The following FMNL2 variants were observed in gnomAD, a reference collection of about 807,000 sequenced individuals.
FMNL2 encodes the protein formin like 2, also known as formin-like protein 2.
FMNL2 carries 51 observed loss-of-function variants against 130.2 expected under a neutral mutation model. That is an observed-to-expected ratio of 0.39 (90% CI 0.31 to 0.49). The LOEUF is 0.49. FMNL2 is among the 20% of genes least tolerant of loss of function. FMNL2 has a pLI of 0.85. For missense variants in FMNL2, 977 were observed against 1,316.2 expected, an observed-to-expected ratio of 0.74 and a Z score of 3.99; for synonymous variants, 465 against 467.1, an observed-to-expected ratio of 1.00 and a Z score of 0.06.
chr2:152,417,490 A>G (rs1265078493), intron 1 of FMNL2, among the ~76,000 whole-genome samples: 1 of 152,182 alleles, frequency 6.6e-6, no homozygotes, highest in Non-Finnish European at 1.5e-5. Context: ...GGGGATCAGG[A>G]AATAGTCTAG....
At chr2:152,643,596 G>T (rs2105978375) in intron 25 of FMNL2, 4 of 1,519,626 alleles carry the variant, frequency 2.6e-6, no homozygotes, top group Non-Finnish European at 3.5e-6. Context: ...GTCTGTCAGG[G>T]CCCACCAACA....
At chr2:152,480,885 G>C (rs1231837563) in intron 1 of FMNL2, among the ~76,000 whole-genome samples, 1 of 152,018 alleles carries the variant, frequency 6.6e-6, no homozygotes, top group Non-Finnish European at 1.5e-5. Flanking sequence ...AATGAAGCCT[G>C]GTGTTTTCCT....
chr2:152,488,033 G>T (rs1690936240), intron 1 of FMNL2, among the ~76,000 whole-genome samples: 2 of 152,118 alleles, frequency 1.3e-5, no homozygotes, highest in Non-Finnish European at 2.9e-5. Flanking sequence ...GCCCACCTCG[G>T]CCTCTCAAAG....
At chr2:152,550,035 T>C (rs1391491319) in intron 4 of FMNL2, among the ~76,000 whole-genome samples, 2 of 152,222 alleles carry the variant, frequency 1.3e-5, no homozygotes, top group African/African-American at 4.8e-5. Flanking sequence ...TACAGTAAGT[T>C]CTGTCTCGTT....
At chr2:152,356,576 T>G (rs1682795798) in intron 1 of FMNL2, among the ~76,000 whole-genome samples, 1 of 152,260 alleles carries the variant, frequency 6.6e-6, no homozygotes, top group Non-Finnish European at 1.5e-5. Flanking sequence ...AGTGCTTTTA[T>G]GGTCACTCAC....
intron 2 of FMNL2, among the ~76,000 whole-genome samples, chr2:152,541,110 G>A (rs1393455549): frequency 2.0e-5 from 3 of 152,154 alleles, no homozygotes; most frequent in African/African-American, 7.2e-5. Flanking sequence ...TGGGTTGTAC[G>A]TAGAAAAGAA....
chr2:152,480,675 TCAAAACAAACAAA>T (rs1401006589), intron 1 of FMNL2, among the ~76,000 whole-genome samples: 2 of 113,814 alleles, frequency 1.8e-5, no homozygotes. Flanking sequence ...AAAATCAGCC[TCAAAACAAACAAA>T]CAAAACAAAA....
rs1159173314 is a variant in FMNL2, at chr2:152,412,444, TTTTATATATATATATATA to T, written c.117+76726_117+76743del. ...ATTTCCTCTTACTTTCTTCTGTATA[TTTTATATATATATATATA>T]TATATATATATATATATATATATAT... On this transcript the variant is annotated intron_variant, in intron 1 of 25. Transcript: ENST00000288670. Among the ~76,000 whole-genome samples, 282 of 103,354 alleles carry T rather than the reference TTTTATATATATATATATA, an allele frequency of 2.7e-3. 6 individuals are homozygous for T. Among genetic ancestry groups the T allele is most frequent in the East Asian group, 0.014 (41 of 2,876 alleles). The allele number at this position is 103,354 out of a possible 152,430, so 67.8% of individuals were successfully genotyped here. A position where few individuals can be genotyped will look rare whatever the true frequency, so the allele number is the denominator to read the frequency against.
chr2:152,576,275 C>T (rs1281792007), intron 7 of FMNL2, among the ~76,000 whole-genome samples: 1 of 152,070 alleles, frequency 6.6e-6, no homozygotes, highest in African/African-American at 2.4e-5. Context: ...CCAGACGGCC[C>T]CTGTTCCACA....
chr2:152,468,553 C>T (rs1449679082), intron 1 of FMNL2, among the ~76,000 whole-genome samples: 1 of 151,974 alleles, frequency 6.6e-6, no homozygotes, highest in Non-Finnish European at 1.5e-5. Flanking sequence ...TAAAAATACA[C>T]AAGATTTCAA....
intron 1 of FMNL2, among the ~76,000 whole-genome samples, chr2:152,484,369 A>C (rs1165297307): frequency 6.6e-6 from 1 of 152,160 alleles, no homozygotes; most frequent in Non-Finnish European, 1.5e-5. Flanking sequence ...GGCCAAGTGC[A>C]ATAGCTTTGC....
chr2:152,459,916 T>C (rs2105118590), intron 1 of FMNL2, among the ~76,000 whole-genome samples: 1 of 152,366 alleles, frequency 6.6e-6, no homozygotes, highest in East Asian at 1.9e-4. Context: ...ACACTTGTTT[T>C]AGAAATCACC....
chr2:152,429,585 TTAGA>T (rs1263858919), intron 1 of FMNL2, among the ~76,000 whole-genome samples: 1 of 151,872 alleles, frequency 6.6e-6, no homozygotes, highest in Non-Finnish European at 1.5e-5. Context: ...GACAGATCCC[TTAGA>T]TAGCCCACTT....
At chr2:152,410,260 C>G (rs1686209895) in intron 1 of FMNL2, among the ~76,000 whole-genome samples, 1 of 152,184 alleles carries the variant, frequency 6.6e-6, no homozygotes, top group Non-Finnish European at 1.5e-5. Context: ...TAGCAGCAGA[C>G]CAGTACCTAC....
intron 1 of FMNL2, among the ~76,000 whole-genome samples, chr2:152,346,997 A>C (rs1450864747): frequency 6.6e-6 from 1 of 152,090 alleles, no homozygotes; most frequent in Non-Finnish European, 1.5e-5. Flanking sequence ...AGGCTGAGGC[A>C]GGAGAATCGC....
chr2:152,421,511 GGAGT>G (rs1162888489), intron 1 of FMNL2, among the ~76,000 whole-genome samples: 2 of 152,178 alleles, frequency 1.3e-5, no homozygotes, highest in Non-Finnish European at 1.5e-5. Context: ...GGGAAATATA[GGAGT>G]GGCTACTTAC....
intron 1 of FMNL2, among the ~76,000 whole-genome samples, chr2:152,352,466 C>T (rs1465314611): frequency 6.6e-6 from 1 of 152,162 alleles, no homozygotes; most frequent in Admixed American, 6.5e-5. Context: ...TCTGTTTTGA[C>T]TCCCAATGCA....
At chr2:152,429,551 G>A (rs1302882362) in intron 1 of FMNL2, among the ~76,000 whole-genome samples, 1 of 151,690 alleles carries the variant, frequency 6.6e-6, no homozygotes, top group Non-Finnish European at 1.5e-5. Context: ...AACTGTTGCC[G>A]AATTAATGTG....
chr2:152,645,410 GTGTTTT>G (rs1559038064), intron 25 of FMNL2: 10 of 1,242,818 alleles, frequency 8.0e-6, no homozygotes, highest in Non-Finnish European at 1.1e-5. Context: ...CCATCATTTT[GTGTTTT>G]TGTTTTTTTC....
Sources: allele counts gnomAD v4.1 joint callset (sites outside exome capture counted in the v4.1 genomes callset), GRCh38; gene constraint gnomAD v4.1.1; transcripts MANE v1.5; gene names NCBI Gene and HGNC (gene_info 2026-07-23, HGNC 2026-07-21).